TCP11: variants seen among roughly 807,000 people sequenced by gnomAD.
TCP11 encodes the protein t-complex 11, also known as T-complex protein 11 homolog.
In TCP11, 34 loss-of-function variants were observed where a neutral mutation model predicts 45.0. The ratio of observed to expected loss-of-function variants is 0.76; its 90% CI spans 0.57 to 1.01. The LOEUF (loss-of-function observed/expected upper bound fraction) is 1.01, where lower values mean the gene tolerates loss of function less well. TCP11 is among the 50% of genes least tolerant of loss of function. The pLI is 0.00. For synonymous variants in TCP11, 227 were observed against 227.0 expected (o/e 1.00, Z 0.00); for missense variants, 523 against 598.1 (o/e 0.87, Z 1.31).
chr6:35,119,489 G>GAT (rs1778996745), intron 8 of TCP11, 98 bp from the exon 9 acceptor site: 4 of 1,455,848 alleles, frequency 2.7e-6, no homozygotes, highest in Non-Finnish European at 3.7e-6. Flanking sequence ...CCCACTTGAG[G>GAT]GAGAATGTCA....
intron 4 of TCP11, 25 bp from the exon 5 acceptor site, chr6:35,122,362 A>G: frequency 1.9e-6 from 3 of 1,610,784 alleles, no homozygotes; most frequent in Non-Finnish European, 2.5e-6. Flanking sequence ...AAGTCAAAGG[A>G]GTTGATCTGT....
chr6:35,121,430 G>A (rs1430147225), intron 5 of TCP11, among the ~76,000 whole-genome samples: 1 of 146,582 alleles, frequency 6.8e-6, no homozygotes, highest in Non-Finnish European at 1.5e-5. Flanking sequence ...TAAACTTTCT[G>A]GGTCTTGGTT....
At chr6:35,133,580 A>G (rs939272659) in intron 3 of TCP11, among the ~76,000 whole-genome samples, 10 of 152,056 alleles carry the variant, frequency 6.6e-5, no homozygotes, top group Admixed American at 2.0e-4. Flanking sequence ...TCACGAGGTC[A>G]AGAGATCGAG....
chr6:35,140,329 T>C, intron 2 of TCP11: 1 of 839,550 alleles, frequency 1.2e-6, no homozygotes, highest in Non-Finnish European at 1.8e-6. Context: ...GAACACCCAC[T>C]ACAGAACCGA....
intron 3 of TCP11, among the ~76,000 whole-genome samples, chr6:35,131,017 T>TA (rs749308068): frequency 3.9e-5 from 6 of 152,248 alleles, no homozygotes; most frequent in East Asian, 1.9e-4. Context: ...TATTCAATGA[T>TA]AAAAAAATGA....
chr6:35,135,659 G>A (rs34988108), intron 3 of TCP11, among the ~76,000 whole-genome samples: 26,853 of 150,128 alleles, frequency 0.18, 3,006 homozygotes, highest in African/African-American at 0.29. Context: ...GAGGTAGGAG[G>A]ATCACTTGAG....
At chr6:35,136,663 G>A (rs964810414) in intron 2 of TCP11, among the ~76,000 whole-genome samples, 1 of 73,464 alleles carries the variant, frequency 1.4e-5, no homozygotes. Flanking sequence ...TAGTGCCAAA[G>A]TCATTTGGTC....
intron 4 of TCP11, among the ~76,000 whole-genome samples, chr6:35,126,704 G>A (rs975922074): frequency 1.5e-5 from 2 of 132,636 alleles, no homozygotes; most frequent in African/African-American, 5.7e-5. Flanking sequence ...TGTTGCCCAG[G>A]TTGGGGCACA....
At chr6:35,134,095 A>C (rs1275658542) in intron 3 of TCP11, among the ~76,000 whole-genome samples, 1 of 151,972 alleles carries the variant, frequency 6.6e-6, no homozygotes, top group Non-Finnish European at 1.5e-5. Flanking sequence ...AGCTGATAGG[A>C]GCTATATGGT....
intron 2 of TCP11, among the ~76,000 whole-genome samples, chr6:35,138,139 GAATGTA>G (rs1192100537): frequency 6.6e-6 from 1 of 151,496 alleles, no homozygotes; most frequent in Non-Finnish European, 1.5e-5. Context: ...CTGTTGGTGG[GAATGTA>G]AATTAGTACA....
In TCP11 at chr6:35,122,185, C is replaced by T. The variant is rs753949147; in HGVS notation, c.510G>A (p.Leu170=). 38 of 1,614,080 alleles carry T rather than the reference C, an allele frequency of 2.4e-5. No individual in the cohort carries two copies. The highest frequency in any genetic ancestry group is 3.1e-5 in the Non-Finnish European group (37 of 1,180,050). Residue 170 remains leucine (L), a synonymous_variant, in exon 5 of 10, where the codon CTG becomes CTA. Coordinates refer to ENST00000311875, the MANE Select transcript of TCP11 (RefSeq NM_001370687.1). The stretch of plus-strand genomic sequence containing the variant: ...CTGCTTCATCTCGAACTGGTGCACA[C>T]AGCAAAGCCATCATGTTGAGAACGT... ...SKYVLNMMAL[L]CAPVRDEAVQ...
At chr6:35,119,602 A>G (rs546746552) in intron 8 of TCP11, among the ~76,000 whole-genome samples, 112 of 152,344 alleles carry the variant, frequency 7.4e-4, no homozygotes, top group African/African-American at 2.6e-3. Flanking sequence ...GCTATTCTCT[A>G]TATGTGGCAC....
At chr6:35,119,447 A>G (rs1253185336) in intron 8 of TCP11, 56 bp from the exon 9 acceptor site, 26 of 1,590,110 alleles carry the variant, frequency 1.6e-5, no homozygotes, top group Non-Finnish European at 2.1e-5. Flanking sequence ...GCATAGGCCC[A>G]GGGCCCAGCA....
chr6:35,120,523 G>T lies in TCP11; in HGVS notation c.839C>A (p.Ala280Asp). 6.2e-7 allele frequency: 1 copy of T among 1,614,100 alleles called. No individual in the cohort carries two copies. Among genetic ancestry groups the T allele is most frequent in the Non-Finnish European group, 8.5e-7 (1 of 1,180,024 alleles). ...GGGGCTGAGGGGCTCTGGGTTGTTGGCTGCCTCATTGGGAGAGGGGCCAGC... is the reference window on the plus strand; with the variant it reads ...GGGGCTGAGGGGCTCTGGGTTGTTGTCTGCCTCATTGGGAGAGGGGCCAGC... ...SVAGPSPNEA[A>D]NNPEPLSPTM... The change falls in exon 7 of 10, where the codon GCC (alanine) becomes GAC (aspartate). Residue 280 changes from alanine to aspartate, a missense_variant. By Grantham distance (126) the Ala-to-Asp change is moderately radical. Coordinates refer to ENST00000311875, the MANE Select transcript of TCP11 (RefSeq NM_001370687.1). The surrounding 1 kb of genome is among the most constrained non-coding windows in gnomAD (Gnocchi z 4.9).
At chr6:35,135,827 A>C (rs1781016039) in intron 3 of TCP11, among the ~76,000 whole-genome samples, 2 of 152,214 alleles carry the variant, frequency 1.3e-5, no homozygotes, top group Admixed American at 6.5e-5. Context: ...ATAGTACTAC[A>C]GGCTGCTTCC....
intron 2 of TCP11, chr6:35,137,768 A>G (rs1186476237): frequency 2.2e-6 from 1 of 455,246 alleles, no homozygotes; most frequent in South Asian, 1.6e-5. Flanking sequence ...CAGCATCATG[A>G]TTTTTCACAG....
chr6:35,130,420 C>T (rs1780275917), intron 3 of TCP11, among the ~76,000 whole-genome samples: 1 of 152,082 alleles, frequency 6.6e-6, no homozygotes, highest in African/African-American at 2.4e-5. Context: ...AAAAACAAGA[C>T]ACACACTAGG....
rs767756004 is a variant in TCP11 at position 35,119,361 on chromosome 6, T to C, written c.1146A>G (p.Glu382=). ...RPEEAILTVS[E]QVSQEIHQSL... ...TTTGATGGATTTCCTGAGATACCTG[T>C]TCACTCACAGTCAGTATAGCTTCCT... Residue 382 remains glutamate, a synonymous_variant, in exon 9 of 10, where the codon GAA becomes GAG. Transcript: ENST00000311875. The C allele has an allele frequency of 7.2e-5, 117 of 1,614,114 alleles. No homozygotes were observed. The highest frequency in any genetic ancestry group is 9.2e-5 in the Non-Finnish European group (109 of 1,180,032).
intron 2 of TCP11, chr6:35,140,130 A>G: frequency 6.2e-7 from 1 of 1,612,940 alleles, no homozygotes; most frequent in Non-Finnish European, 8.5e-7. Context: ...TCAGCCGCAA[A>G]GCCTCAATCT....
Sources: allele counts gnomAD v4.1 joint callset (sites outside exome capture counted in the v4.1 genomes callset), GRCh38; gene constraint gnomAD v4.1.1; non-coding constraint Gnocchi (gnomAD v3.1); transcripts MANE v1.5; gene names NCBI Gene and HGNC (gene_info 2026-07-23, HGNC 2026-07-21).